Variants in IHO1 observed in about 807,000 individuals in gnomAD.
IHO1 encodes interactor of HORMAD1 1.
In IHO1, 13 loss-of-function variants were observed where a neutral mutation model predicts 31.0. The observed-to-expected ratio is 0.42, with a 90% CI of 0.27 to 0.67. The LOEUF (loss-of-function observed/expected upper bound fraction) is 0.67. Ranked by LOEUF, IHO1 falls within the 30% of genes least tolerant of loss-of-function variation. The probability of loss-of-function intolerance (pLI) is 0.24; values close to 1 mark genes in which losing one functional copy is unlikely to be tolerated. For synonymous variants in IHO1, 221 were observed against 248.4 expected (o/e 0.89, Z 1.04); for missense variants, 599 against 687.5 (o/e 0.87, Z 1.44).
At chr3:49,230,425 A>G (rs906868337) in intron 2 of IHO1, among the ~76,000 whole-genome samples, 11 of 152,278 alleles carry the variant, frequency 7.2e-5, no homozygotes, top group African/African-American at 2.6e-4. Context: ...AATGGTTTGC[A>G]TTTACAATTC....
At chr3:49,191,716 GC>G in the IHO1 span, 3 of 1,594,522 alleles carry the variant, frequency 1.9e-6, no homozygotes, top group African/African-American at 4.0e-5. Context: ...AGGGCCAGGG[GC>G]CAGGATTAAC....
At chr3:49,229,109 G>C (rs1373044468) in intron 2 of IHO1, among the ~76,000 whole-genome samples, 1 of 152,202 alleles carries the variant, frequency 6.6e-6, no homozygotes, top group Non-Finnish European at 1.5e-5. Context: ...GCTGATTGGT[G>C]CGTTTTTACA....
intron 2 of IHO1, chr3:49,214,035 G>A (rs1051360964): frequency 9.9e-6 from 3 of 303,228 alleles, no homozygotes. Flanking sequence ...CATCTCTTCT[G>A]TATCTGCTGT....
chr3:49,233,963 G>A (rs369711057), intron 2 of IHO1, among the ~76,000 whole-genome samples: 16 of 151,964 alleles, frequency 1.1e-4, no homozygotes, highest in African/African-American at 2.9e-4. Context: ...CATTTGTTTC[G>A]GCCCATCCCT....
intron 6 of IHO1, among the ~76,000 whole-genome samples, chr3:49,249,001 G>A (rs957990552): frequency 1.1e-4 from 16 of 152,276 alleles, no homozygotes; most frequent in African/African-American, 3.9e-4. Context: ...GCTCATCAGG[G>A]AATAGGGAAG....
chr3:49,236,166 G>A (rs1469680676), intron 2 of IHO1, among the ~76,000 whole-genome samples: 1 of 151,762 alleles, frequency 6.6e-6, no homozygotes, highest in Non-Finnish European at 1.5e-5. Context: ...CCGAGATCAT[G>A]CCACTGCACT....
intron 3 of IHO1, among the ~76,000 whole-genome samples, chr3:49,239,457 T>G (rs1350234564): frequency 1.3e-5 from 2 of 151,376 alleles, no homozygotes; most frequent in Non-Finnish European, 2.9e-5. Flanking sequence ...AATTTTTGTA[T>G]TTTTAGTAGA....
At position 49,211,635 on chromosome 3, in the gene IHO1, A is replaced by C. The variant is rs543191232; in HGVS notation, c.-15-131A>C. The C allele has an allele frequency of 4.1e-5, 16 of 388,680 alleles. No homozygotes were observed. In the Admixed American group the frequency reaches 4.5e-4, roughly 11 times the overall value. The allele number at this position is 388,680 out of a possible 1,614,324, so 24.1% of individuals were successfully genotyped here. ...CAAAACTCCGTCTCAAAAAAAAAAA[A>C]CAGAAATTTTCACTAATTGGATGGG... On this transcript the variant is annotated intron_variant, in intron 1 of 7. Transcript: ENST00000452691.
At chr3:49,244,880 T>A in intron 6 of IHO1, 147 bp downstream of exon 6, 2 of 742,476 alleles carry the variant, frequency 2.7e-6, no homozygotes, top group Non-Finnish European at 4.8e-6. Context: ...CCTGAAGAGA[T>A]GTGGAGCACA....
chr3:49,205,739 A>T (rs1379563993), intron 1 of IHO1, among the ~76,000 whole-genome samples: 1 of 149,344 alleles, frequency 6.7e-6, no homozygotes, highest in Non-Finnish European at 1.5e-5. Context: ...AGCTGGGATT[A>T]CAGGAGTGAG....
intron 2 of IHO1, among the ~76,000 whole-genome samples, chr3:49,218,988 T>G (rs2046320248): frequency 6.6e-6 from 1 of 152,162 alleles, no homozygotes; most frequent in African/African-American, 2.4e-5. Context: ...CATTCCAGCC[T>G]GGGTGACAGA....
At chr3:49,251,607 G>C (rs969008645) in intron 6 of IHO1, among the ~76,000 whole-genome samples, 3 of 150,500 alleles carry the variant, frequency 2.0e-5, no homozygotes, top group Non-Finnish European at 4.4e-5. Flanking sequence ...TGGTTTTTTT[G>C]TCTTTTTTTT....
chr3:49,251,901 T>C (rs905128094), intron 6 of IHO1, among the ~76,000 whole-genome samples: 2 of 149,582 alleles, frequency 1.3e-5, no homozygotes, highest in Non-Finnish European at 3.0e-5. Context: ...GTGCCTGGCC[T>C]ACTTAGTTTT....
At chr3:49,242,862 C>T (rs1006035345) in intron 4 of IHO1, among the ~76,000 whole-genome samples, 1 of 152,110 alleles carries the variant, frequency 6.6e-6, no homozygotes, top group South Asian at 2.1e-4. Context: ...TGCATGAAAT[C>T]GTTTAAATTT....
chr3:49,215,994 CTCTT>C (rs1366563990), intron 2 of IHO1, among the ~76,000 whole-genome samples: 5 of 152,144 alleles, frequency 3.3e-5, no homozygotes, highest in Admixed American at 3.3e-4. Context: ...CTATTAGAGT[CTCTT>C]TCTGTTTTAA....
chr3:49,213,924 G>T (rs1169162070), intron 2 of IHO1: 2 of 406,698 alleles, frequency 4.9e-6, no homozygotes, highest in Non-Finnish European at 1.0e-5. Flanking sequence ...CTCAAGCATG[G>T]CCAGAGTGGA....
intron 2 of IHO1, among the ~76,000 whole-genome samples, chr3:49,219,645 C>G (rs2046328721): frequency 6.6e-6 from 1 of 152,158 alleles, no homozygotes; most frequent in African/African-American, 2.4e-5. Flanking sequence ...GAGCTGGTCT[C>G]AGCAAGTGGT....
At chr3:49,194,772 T>A (rs1348118642), upstream of IHO1, among the ~76,000 whole-genome samples, 1 of 151,688 alleles carries the variant, frequency 6.6e-6, no homozygotes, top group Non-Finnish European at 1.5e-5. Context: ...GACGTGCACC[T>A]GTGGTCTCAA....
At chr3:49,215,337 C>G (rs2046275827) in intron 2 of IHO1, among the ~76,000 whole-genome samples, 1 of 152,210 alleles carries the variant, frequency 6.6e-6, no homozygotes, top group Admixed American at 6.5e-5. Flanking sequence ...AGGCATGACT[C>G]CATGCCTGGC....
Sources: allele counts gnomAD v4.1 joint callset (sites outside exome capture counted in the v4.1 genomes callset), GRCh38; gene constraint gnomAD v4.1.1; transcripts MANE v1.5; gene names NCBI Gene and HGNC (gene_info 2026-07-23, HGNC 2026-07-21).